C5: variants seen among roughly 807,000 people sequenced by gnomAD.
C5 encodes complement C5.
Under a neutral mutation model 218.8 loss-of-function variants are expected in C5, and 140 were observed. That is an observed-to-expected ratio of 0.64 (90% CI 0.56 to 0.74). The LOEUF is 0.74. Ranked by LOEUF, C5 falls within the 30% of genes least tolerant of loss-of-function variation. The pLI is 0.00. For synonymous variants in C5, 614 were observed against 682.3 expected (o/e 0.90, Z 1.56); for missense variants, 1,700 against 1,969.6 (o/e 0.86, Z 2.59).
intron 12 of C5, 60 bp from the exon 13 acceptor site, chr9:121,017,912 G>A: frequency 9.1e-7 from 1 of 1,097,034 alleles, no homozygotes. Flanking sequence ...AACAAAACCT[G>A]TGCTTTAGGA....
At chr9:121,023,892 G>T (rs554805972) in intron 9 of C5, among the ~76,000 whole-genome samples, 1 of 151,822 alleles carries the variant, frequency 6.6e-6, no homozygotes, top group East Asian at 2.0e-4. Flanking sequence ...GCCAGAAACT[G>T]AGCCTTACAG....
chr9:121,014,877 T>C (rs1020007643), intron 16 of C5, among the ~76,000 whole-genome samples: 2 of 152,160 alleles, frequency 1.3e-5, no homozygotes, highest in African/African-American at 4.8e-5. Flanking sequence ...ATGGATTTTG[T>C]CAGAATAAAA....
At chr9:120,967,986 G>C (rs555990451) in intron 33 of C5, among the ~76,000 whole-genome samples, 1 of 152,122 alleles carries the variant, frequency 6.6e-6, no homozygotes, top group Non-Finnish European at 1.5e-5. Flanking sequence ...GCCTCCCAAA[G>C]TGTTGGGATT....
chr9:120,967,568 A>G (rs998120483), intron 33 of C5, among the ~76,000 whole-genome samples: 20 of 152,190 alleles, frequency 1.3e-4, no homozygotes, highest in African/African-American at 4.8e-4. Context: ...AGTTAAGAAA[A>G]TAGAACACAA....
chr9:121,056,912 A>T, the C5 span, among the ~76,000 whole-genome samples: 1 of 152,200 alleles, frequency 6.6e-6, no homozygotes. Context: ...ATTCAACCCA[A>T]ATAAGACTAC....
chr9:121,017,366 T>G lies in C5; in HGVS notation c.1862A>C (p.Glu621Ala). 2 of 1,613,712 alleles carry G rather than the reference T, an allele frequency of 1.2e-6. No homozygotes were observed. Among genetic ancestry groups the G allele is most frequent in the South Asian group, 1.1e-5 (1 of 91,064 alleles). The change falls in exon 14 of 41, where the codon GAA (glutamate) becomes GCA (alanine). Residue 621 changes from glutamate (E) to alanine (A), a missense_variant. Coordinates refer to ENST00000223642, the MANE Select transcript of C5 (RefSeq NM_001735.3). ...GCGAGACATGCATTACTTAACTCTT[T>G]CCAAGGGCTTTTTGGCTCCTCTTTG... ...GVQRGAKKPL[E>A]RVFQFLEKSD...
At chr9:120,989,145 A>C in intron 24 of C5, 24 bp from the exon 25 acceptor site, 1 of 1,563,258 alleles carries the variant, frequency 6.4e-7, no homozygotes, top group Non-Finnish European at 8.8e-7. Flanking sequence ...GAAAAAGAAC[A>C]CGGTGCTTAA....
chr9:121,000,040 C>G, intron 20 of C5: 1 of 256,524 alleles, frequency 3.9e-6, no homozygotes, highest in Non-Finnish European at 7.5e-6. Context: ...GCCTGGGCGA[C>G]AGGGCGAGAC....
chr9:121,047,496 T>C (rs2131825376), intron 1 of C5, among the ~76,000 whole-genome samples: 1 of 152,270 alleles, frequency 6.6e-6, no homozygotes, highest in South Asian at 2.1e-4. Flanking sequence ...ACATACGCTA[T>C]TACATAGGAA....
chr9:120,968,255 G>A (rs561018727), intron 33 of C5, among the ~76,000 whole-genome samples: 96 of 152,300 alleles, frequency 6.3e-4, no homozygotes, highest in African/African-American at 2.3e-3. Flanking sequence ...GTCAGAGAAG[G>A]AGGTGTGATG....
intron 6 of C5, among the ~76,000 whole-genome samples, chr9:121,031,553 C>T (rs1169291978): frequency 6.6e-6 from 1 of 152,060 alleles, no homozygotes; most frequent in Non-Finnish European, 1.5e-5. Context: ...TCTTCCAGCT[C>T]TCTGATGGGG....
At chr9:120,969,974 A>G (rs1321898446) in intron 32 of C5, among the ~76,000 whole-genome samples, 196 bp downstream of exon 32, 7 of 152,278 alleles carry the variant, frequency 4.6e-5, no homozygotes. Context: ...ATTTAATATT[A>G]GCTTCCGACT....
intron 8 of C5, among the ~76,000 whole-genome samples, 188 bp downstream of exon 8, chr9:121,026,972 C>A (rs2047429539): frequency 6.6e-6 from 1 of 152,086 alleles, no homozygotes; most frequent in Non-Finnish European, 1.5e-5. Context: ...GGCATGAGAT[C>A]AGCTGGTAAG....
At chr9:121,020,523 T>G (rs1267553041) in intron 11 of C5, among the ~76,000 whole-genome samples, 4 of 152,072 alleles carry the variant, frequency 2.6e-5, no homozygotes, top group Non-Finnish European at 5.9e-5. Context: ...GCCTAAGCAT[T>G]TAGGAAATGG....
At chr9:121,023,335 C>T in intron 10 of C5, 69 bp downstream of exon 10, 1 of 991,806 alleles carries the variant, frequency 1.0e-6, no homozygotes, top group Middle Eastern at 2.1e-4. Context: ...CTGTTTGCCA[C>T]CCACATGTTT....
At chr9:121,057,327 T>C in the C5 span, among the ~76,000 whole-genome samples, 1 of 152,128 alleles carries the variant, frequency 6.6e-6, no homozygotes, top group African/African-American at 2.4e-5. Flanking sequence ...CAGAATAATG[T>C]AACACTGTAA....
intron 2 of C5, 29 bp downstream of exon 2, chr9:121,046,162 T>C (rs1210688695): frequency 7.0e-6 from 8 of 1,142,042 alleles, no homozygotes; most frequent in Non-Finnish European, 1.0e-5. Context: ...TGTATATATA[T>C]ATAAAGAAAA....
At chr9:120,992,166 G>T (rs928602509) in intron 22 of C5, among the ~76,000 whole-genome samples, 3 of 152,188 alleles carry the variant, frequency 2.0e-5, no homozygotes, top group African/African-American at 7.2e-5. Context: ...AGATGCTAAA[G>T]AAAAATGAGT....
intron 29 of C5, among the ~76,000 whole-genome samples, chr9:120,975,192 G>A (rs756827885): frequency 3.3e-5 from 5 of 152,044 alleles, no homozygotes; most frequent in African/African-American, 4.8e-5. Flanking sequence ...GTAACCTCAG[G>A]CAAGTCACTG....
Sources: gnomAD v4.1 joint callset for allele counts (sites outside exome capture counted in the v4.1 genomes callset) on GRCh38, gnomAD v4.1.1 for gene constraint, MANE v1.5 for transcripts, NCBI Gene and HGNC (gene_info 2026-07-23, HGNC 2026-07-21) for gene names.